APC2: variants seen among roughly 807,000 people sequenced by gnomAD.
The protein encoded by APC2 is APC regulator of Wnt signaling pathway 2.
In APC2, 41 loss-of-function variants were observed where a neutral mutation model predicts 72.5. That is an observed-to-expected ratio of 0.57 (90% confidence interval 0.44 to 0.73). The LOEUF (loss-of-function observed/expected upper bound fraction) is 0.73. APC2 is among the 30% of genes least tolerant of loss of function. APC2 has a pLI of 0.00. For missense variants in APC2, 3,729 were observed against 3,403.4 expected, an observed-to-expected ratio of 1.10 and a Z score of -2.38; for synonymous variants, 1,898 against 1,612.0, an observed-to-expected ratio of 1.18 and a Z score of -4.25.
At chr19:1,458,236 G>A (rs547498958) in intron 10 of APC2, 176 bp downstream of exon 10, 9 of 635,850 alleles carry the variant, frequency 1.4e-5, no homozygotes, top group Non-Finnish European at 2.5e-5. Flanking sequence ...CCGTCACCCT[G>A]GGCCCTCTGT....
rs531796393 is a variant in APC2 at position 1,461,666 on chromosome 19, C to T, written c.1639-297C>T. 411 of 407,980 alleles carry T rather than the reference C, an allele frequency of 1.0e-3. 8 individuals are homozygous for T. In the East Asian group the frequency reaches 0.017, roughly 17 times the overall value. 25.3% of individuals were successfully genotyped at this position (407,980 alleles called of 1,614,324 possible). A position where few individuals can be genotyped will look rare whatever the true frequency, so the allele number is the denominator to read the frequency against. On this transcript the variant is annotated intron_variant, in intron 13 of 14. Transcript: ENST00000590469. ...AGGAGATCGAGACCATCCTGGCTAA[C>T]ACGGTGAAACCCCGTCTCTACTAAA...
chr19:1,451,715 T>A (rs1211291754), intron 1 of APC2: 1 of 152,224 alleles, frequency 6.6e-6, no homozygotes, highest in African/African-American at 2.4e-5. Flanking sequence ...CAAATGGTGG[T>A]CCCTGAGACT....
intron 4 of APC2, among the ~76,000 whole-genome samples, chr19:1,454,522 G>C (rs1262662875): frequency 1.3e-5 from 2 of 150,834 alleles, no homozygotes; most frequent in African/African-American, 4.9e-5. Context: ...GAGTAGCTGA[G>C]ACCACAGGTG....
intron 10 of APC2, chr19:1,458,392 G>T (rs545494919): frequency 3.1e-6 from 1 of 320,882 alleles, no homozygotes; most frequent in Non-Finnish European, 5.8e-6. Flanking sequence ...ACTGTAGGGG[G>T]TGTTTTACGT....
At chr19:1,455,950 G>A in intron 6 of APC2, 126 bp from the exon 7 acceptor site, 1 of 992,462 alleles carries the variant, frequency 1.0e-6, no homozygotes, top group Non-Finnish European at 1.5e-6. Context: ...TAGGGTCAGG[G>A]CCTGGGGCGG....
Position 1,452,710 on chromosome 19 carries a change from C to T in APC2, c.-18-274C>T, listed in dbSNP as rs989742379. The T allele has an allele frequency of 2.5e-5, 11 of 433,570 alleles. No homozygotes were observed. Among genetic ancestry groups the T allele is most frequent in the Admixed American group, 7.5e-5 (2 of 26,536 alleles). The allele number at this position is 433,570 out of a possible 1,614,324, so 26.9% of individuals were successfully genotyped here. ...ACCCATCGTCTGTCGGTCGACTGGT[C>T]AGTTGGACGTTCAGCTGTCTGTACG... On this transcript the variant is annotated intron_variant, in intron 1 of 14. Coordinates refer to ENST00000590469, the MANE Select transcript of APC2 (RefSeq NM_005883.3). The surrounding 1 kb of genome is among the most constrained non-coding windows in gnomAD (Gnocchi z 5.1).
intron 9 of APC2, chr19:1,457,649 G>A (rs1331222301): frequency 1.9e-6 from 1 of 517,524 alleles, no homozygotes; most frequent in East Asian, 3.5e-5. Flanking sequence ...AGTGAGCTGA[G>A]ATCATGCTAC....
rs1055521744 is a variant in APC2, at chr19:1,469,691, C to G, written c.6390C>G (p.Asp2130Glu). ...ASADAARRSS[D>E]GEPRPLPRVA... ...CCGACGCCGCGCGCCGCAGCAGCGACGGGGAGCCCCGGCCGCTCCCCAGGG... is the reference window on the plus strand; with the variant it reads ...CCGACGCCGCGCGCCGCAGCAGCGAGGGGGAGCCCCGGCCGCTCCCCAGGG... Residue 2130 changes from aspartate (D) to glutamate (E), a missense_variant, in exon 15 of 15, where the codon GAC becomes GAG. Coordinates refer to ENST00000590469, the MANE Select transcript of APC2 (RefSeq NM_005883.3). The G allele has an allele frequency of 3.8e-6, 5 of 1,333,164 alleles. No individual in the cohort carries two copies. In the African/African-American group the frequency reaches 7.7e-5, roughly 21 times the overall value. The allele number at this position is 1,333,164 out of a possible 1,614,324, so 82.6% of individuals were successfully genotyped here.
In APC2 at chr19:1,452,634, GTGTT is replaced by G; in HGVS notation, c.-18-346_-18-343del. ...GGGTTAGGCTGTCCCAGCTGTCTGT[GTGTT>G]TGTCCGGCTGTCAGGATGTGTCCTG... On this transcript the variant is annotated intron_variant, in intron 1 of 14. Coordinates refer to ENST00000590469, the MANE Select transcript of APC2 (RefSeq NM_005883.3). The surrounding 1 kb of genome is among the most constrained non-coding windows in gnomAD (Gnocchi z 5.1). The G allele has an allele frequency of 4.3e-6, 1 of 234,404 alleles. No homozygotes were observed. Among genetic ancestry groups the G allele is most frequent in the Non-Finnish European group, 8.5e-6 (1 of 117,588 alleles). 14.5% of individuals were successfully genotyped at this position (234,404 alleles called of 1,614,324 possible). A position where few individuals can be genotyped will look rare whatever the true frequency, so the allele number is the denominator to read the frequency against.
rs1331593280 is a variant in APC2 at position 1,460,788 on chromosome 19, G to C, written c.1452G>C (p.Leu484=). Residue 484 remains leucine (L), a synonymous_variant, in exon 12 of 15, where the codon CTG becomes CTC. Coordinates refer to ENST00000590469, the MANE Select transcript of APC2 (RefSeq NM_005883.3). Reference sequence around the variant, plus strand: ...TGCATAACCCCCAACAGGCCACCCTGTGTGCGCGCCGCGGCTGCATGGAGG... The same window carrying C: ...TGCATAACCCCCAACAGGCCACCCTCTGTGCGCGCCGCGGCTGCATGGAGG... ...TFGDVANKAT[L]CARRGCMEAI... is the part of the protein sequence containing the mutation. 15 of 1,613,072 alleles carry C rather than the reference G, an allele frequency of 9.3e-6. No homozygotes were observed. The highest frequency in any genetic ancestry group is 1.3e-5 in the African/African-American group (1 of 75,066).
At chr19:1,450,638 T>A (rs1022117830) in intron 1 of APC2, among the ~76,000 whole-genome samples, 41 of 152,216 alleles carry the variant, frequency 2.7e-4, no homozygotes, top group Non-Finnish European at 8.8e-5. Flanking sequence ...GGTGTCAGTT[T>A]CCCTCTCTGG....
intron 4 of APC2, among the ~76,000 whole-genome samples, chr19:1,454,195 G>A (rs1013403648): frequency 1.3e-5 from 2 of 152,134 alleles, no homozygotes; most frequent in African/African-American, 4.8e-5. Context: ...CGGAATGGCC[G>A]TGTCTCCCAT....
In APC2 at chr19:1,453,035, G is replaced by C; in HGVS notation, c.34G>C (p.Val12Leu). Residue 12 changes from valine (V) to leucine (L), a missense_variant, in exon 2 of 15, where the codon GTG (valine) becomes CTG (leucine). Val to Leu is a conservative substitution (Grantham distance 32). Transcript: ENST00000590469. ...ASSVAPYEQL[V>L]RQVEALKAEN... ...CTCCGTGGCGCCCTACGAGCAGCTG[G>C]TGAGGCAGGTGGAGGCCTTGAAGGC... 1 of 1,611,296 alleles carries C rather than the reference G, an allele frequency of 6.2e-7. No homozygotes were observed. Among genetic ancestry groups the C allele is most frequent in the Admixed American group, 1.7e-5 (1 of 59,984 alleles).
At chr19:1,459,481 G>C (rs2083890763) in intron 10 of APC2, among the ~76,000 whole-genome samples, 1 of 152,174 alleles carries the variant, frequency 6.6e-6, no homozygotes, top group African/African-American at 2.4e-5. Context: ...CCCACTCCTG[G>C]CTCTGTGAAT....
At chr19:1,446,690 G>A (rs2145166606), upstream of APC2, among the ~76,000 whole-genome samples, 1 of 152,190 alleles carries the variant, frequency 6.6e-6, no homozygotes, top group East Asian at 1.9e-4. This position sits in a 1 kb window ranked among gnomAD's most constrained non-coding sequence, Gnocchi z 6.1. Flanking sequence ...GGCGGGGGCG[G>A]CTGCGGGGGC....
Position 1,466,118 on chromosome 19 carries a change from C to A in APC2, c.2817C>A (p.Arg939=), listed in dbSNP as rs2145234821. 1.9e-6 allele frequency: 3 copies of A among 1,564,198 alleles called. No individual in the cohort carries two copies. The East Asian group carries it at 7.2e-5, about 37-fold the overall frequency. Reference sequence around the variant, plus strand: ...GTGCCAGCGACGGGTACTGCCCACGCGAACATATGCTGCCCTGCCCGCTGG... The same window carrying A: ...GTGCCAGCGACGGGTACTGCCCACGAGAACATATGCTGCCCTGCCCGCTGG... The part of the protein sequence containing the change: ...SGSASDGYCP[R]EHMLPCPLAA... The change falls in exon 15 of 15, where the codon CGC becomes CGA. Residue 939 remains arginine, a synonymous_variant. Transcript: ENST00000590469.
chr19:1,464,928 C>T (rs1443427055), intron 14 of APC2, among the ~76,000 whole-genome samples: 3 of 146,212 alleles, frequency 2.1e-5, no homozygotes, highest in East Asian at 1.9e-4. Flanking sequence ...CCACTGCACC[C>T]GGCCTACCTT....
intron 10 of APC2, 104 bp from the exon 11 acceptor site, chr19:1,460,077 G>A: frequency 6.7e-7 from 1 of 1,490,522 alleles, no homozygotes; most frequent in Non-Finnish European, 9.2e-7. Flanking sequence ...CTTGAGGGCA[G>A]GTCTGGGGCA....
upstream of APC2, among the ~76,000 whole-genome samples, chr19:1,446,632 T>A (rs2083689985): frequency 6.6e-6 from 1 of 151,774 alleles, no homozygotes; most frequent in Non-Finnish European, 1.5e-5. The surrounding 1 kb of genome is among the most constrained non-coding windows in gnomAD (Gnocchi z 6.1). Flanking sequence ...CAGGAGACCC[T>A]CGGACCCCTC....
Sources: gnomAD v4.1 joint callset for allele counts (sites outside exome capture counted in the v4.1 genomes callset) on GRCh38, gnomAD v4.1.1 for gene constraint, Gnocchi (gnomAD v3.1) non-coding constraint, MANE v1.5 for transcripts, NCBI Gene and HGNC (gene_info 2026-07-23, HGNC 2026-07-21) for gene names.